HMGXB4: variants seen among roughly 807,000 people sequenced by gnomAD.
The protein encoded by HMGXB4 is HMG-box containing 4.
In HMGXB4, 27 loss-of-function variants were observed where a neutral mutation model predicts 63.9. The observed-to-expected ratio is 0.42, with a 90% CI of 0.31 to 0.58. HMGXB4 has a LOEUF of 0.58. Ranked by LOEUF, HMGXB4 falls within the 20% of genes least tolerant of loss-of-function variation. The pLI is 0.13. For synonymous variants in HMGXB4, 264 were observed against 265.3 expected, an observed-to-expected ratio of 0.99 and a Z score of 0.05; for missense variants, 624 against 700.7, an observed-to-expected ratio of 0.89 and a Z score of 1.24.
rs1924115636 is a variant in HMGXB4 at position 35,279,460 on chromosome 22, CTT to C, written c.1216-4499_1216-4498del. ...GGTGTCTTTTTATTTTTTTAAGTGT[CTT>C]TTGCAGAGCAGTTTTTAATTTTAAT... On this transcript the variant is annotated intron_variant, in intron 5 of 10. Coordinates refer to ENST00000216106, the MANE Select transcript of HMGXB4 (RefSeq NM_001003681.3). Among the ~76,000 whole-genome samples, 4 of 152,044 alleles carry C rather than the reference CTT, an allele frequency of 2.6e-5. No homozygotes were observed. The South Asian group carries it at 8.3e-4, about 32-fold the overall frequency.
At chr22:35,262,568 C>A in intron 2 of HMGXB4, 147 bp downstream of exon 2, 1 of 836,620 alleles carries the variant, frequency 1.2e-6, no homozygotes, top group South Asian at 1.5e-5. Flanking sequence ...AGCCTCCACG[C>A]CATCCCCAGA....
chr22:35,246,313 C>G, the HMGXB4 span, among the ~76,000 whole-genome samples: 1 of 151,988 alleles, frequency 6.6e-6, no homozygotes, highest in Non-Finnish European at 1.5e-5. Context: ...CTCGCTCTGT[C>G]GCCCAGGATA....
chr22:35,286,302 G>C (rs1924572155), intron 7 of HMGXB4, among the ~76,000 whole-genome samples: 1 of 152,168 alleles, frequency 6.6e-6, no homozygotes, highest in Admixed American at 6.5e-5. Context: ...TGTTACATTT[G>C]AGCCAAAAGA....
At chr22:35,289,066 G>A (rs1164761331) in intron 9 of HMGXB4, among the ~76,000 whole-genome samples, 1 of 151,980 alleles carries the variant, frequency 6.6e-6, no homozygotes, top group African/African-American at 2.4e-5. Context: ...CTTGAACCTG[G>A]GAGGCAGAGG....
At position 35,293,762 on chromosome 22, in the gene HMGXB4, T is replaced by C; in HGVS notation, c.*111T>C. 2 of 664,880 alleles carry C rather than the reference T, an allele frequency of 3.0e-6. No homozygotes were observed. The highest frequency in any genetic ancestry group is 5.5e-5 in the East Asian group (2 of 36,320). 41.2% of individuals were successfully genotyped at this position (664,880 alleles called of 1,614,324 possible). A position where few individuals can be genotyped will look rare whatever the true frequency, so the allele number is the denominator to read the frequency against. On this transcript the variant is annotated 3_prime_UTR_variant, in exon 11 of 11. Coordinates refer to ENST00000216106, the MANE Select transcript of HMGXB4 (RefSeq NM_001003681.3). ...TCTGGCTGTAGGTTTTAAATTTTTA[T>C]ATCTATACATACATATATACATATA...
At chr22:35,268,870 C>T (rs1923428079) in intron 5 of HMGXB4, among the ~76,000 whole-genome samples, 1 of 152,224 alleles carries the variant, frequency 6.6e-6, no homozygotes, top group Non-Finnish European at 1.5e-5. Flanking sequence ...TGACCTTCCT[C>T]TTCTTACATA....
chr22:35,254,273 T>C (rs1477462045), upstream of HMGXB4, among the ~76,000 whole-genome samples: 5 of 152,330 alleles, frequency 3.3e-5, no homozygotes, highest in South Asian at 1.0e-3. Flanking sequence ...GGCATTCTTA[T>C]TCACAAACCC....
At chr22:35,263,654 G>C in intron 3 of HMGXB4, 142 bp from the exon 4 acceptor site, 1 of 648,854 alleles carries the variant, frequency 1.5e-6, no homozygotes, top group Non-Finnish European at 2.7e-6. Context: ...CTTGAGAAAA[G>C]AAAAATAAAA....
chr22:35,256,273 G>A (rs1601618593), upstream of HMGXB4, among the ~76,000 whole-genome samples: 1 of 152,130 alleles, frequency 6.6e-6, no homozygotes, highest in Non-Finnish European at 1.5e-5. Flanking sequence ...TAGGACAGAG[G>A]TTCTTAATTT....
At chr22:35,260,252 C>G (rs1214229558) in intron 1 of HMGXB4, among the ~76,000 whole-genome samples, 1 of 152,156 alleles carries the variant, frequency 6.6e-6, no homozygotes, top group Non-Finnish European at 1.5e-5. Context: ...TGCCAAAATT[C>G]ATGCACAGAA....
intron 6 of HMGXB4, among the ~76,000 whole-genome samples, chr22:35,285,557 AAAG>A (rs931961080): frequency 3.1e-4 from 47 of 152,238 alleles, no homozygotes; most frequent in African/African-American, 1.1e-3. Flanking sequence ...AAAAAAGAAA[AAAG>A]AAAAAAATTT....
At chr22:35,265,630 G>A in intron 5 of HMGXB4, 27 bp downstream of exon 5, 1 of 1,509,084 alleles carries the variant, frequency 6.6e-7, no homozygotes, top group Non-Finnish European at 8.8e-7. Flanking sequence ...GTGTGGTGGG[G>A]GTAAGAGATT....
At position 35,264,704 on chromosome 22, in the gene HMGXB4, A is replaced by G. The variant is rs950852430; in HGVS notation, c.316A>G (p.Thr106Ala). ...KKKKKSSPQS[T>A]DTAMDLLKAI... Reference sequence around the variant, plus strand: ...AAAGAAAAAGTCCAGCCCACAGTCTACTGATACAGCTATGGACCTGTTGAA... The same window carrying G: ...AAAGAAAAAGTCCAGCCCACAGTCTGCTGATACAGCTATGGACCTGTTGAA... Residue 106 changes from threonine to alanine, a missense_variant, in exon 5 of 11, where the codon ACT becomes GCT. Physicochemically the swap from Thr to Ala is moderately conservative, Grantham distance 58. Transcript: ENST00000216106. 2 of 1,608,946 alleles carry G rather than the reference A, an allele frequency of 1.2e-6. No individual in the cohort carries two copies. The highest frequency in any genetic ancestry group is 3.4e-5 in the Admixed American group (2 of 58,494).
At position 35,287,471 on chromosome 22, in the gene HMGXB4, C is replaced by A; in HGVS notation, c.1468+19C>A. On this transcript the variant is annotated intron_variant, in intron 8 of 10. Transcript: ENST00000216106. The stretch of plus-strand genomic sequence containing the variant: ...GTCAAAGGTAGTGACCACATCCCGC[C>A]CCTGCTTTTCTCTAAAGCATGTGAA... The A allele has an allele frequency of 6.5e-7, 1 of 1,549,310 alleles. No individual in the cohort carries two copies. Among genetic ancestry groups the A allele is most frequent in the Non-Finnish European group, 8.9e-7 (1 of 1,123,986 alleles).
intron 5 of HMGXB4, among the ~76,000 whole-genome samples, chr22:35,277,773 C>T (rs1463244685): frequency 6.6e-6 from 1 of 152,186 alleles, no homozygotes; most frequent in East Asian, 1.9e-4. Context: ...TATCCCCCGT[C>T]CCACACATGC....
At chr22:35,275,059 G>A (rs1300895833) in intron 5 of HMGXB4, among the ~76,000 whole-genome samples, 2 of 150,548 alleles carry the variant, frequency 1.3e-5, no homozygotes, top group Non-Finnish European at 2.9e-5. Context: ...ATTTCTATGG[G>A]TAAAGGTCTT....
chr22:35,274,294 A>G (rs1272873556), intron 5 of HMGXB4, among the ~76,000 whole-genome samples: 1 of 152,198 alleles, frequency 6.6e-6, no homozygotes, highest in Non-Finnish European at 1.5e-5. Flanking sequence ...ATATCTGTGA[A>G]GTCCCTGAGA....
chr22:35,292,918 G>T, intron 9 of HMGXB4, 74 bp from the exon 10 acceptor site: 1 of 1,577,958 alleles, frequency 6.3e-7, no homozygotes, highest in Non-Finnish European at 8.7e-7. Context: ...AGGATTTAAA[G>T]TACTGTGTGA....
chr22:35,250,825 C>T, the HMGXB4 span, among the ~76,000 whole-genome samples: 3 of 152,222 alleles, frequency 2.0e-5, no homozygotes, highest in East Asian at 5.8e-4. Context: ...CTGATTTTCA[C>T]AGTCTCTACC....
Sources: allele counts gnomAD v4.1 joint callset (sites outside exome capture counted in the v4.1 genomes callset), GRCh38; gene constraint gnomAD v4.1.1; transcripts MANE v1.5; gene names NCBI Gene and HGNC (gene_info 2026-07-23, HGNC 2026-07-21).